The following PCDH19 variants were observed in gnomAD, a reference collection of about 807,000 sequenced individuals.
PCDH19 encodes the protein protocadherin 19, also known as protocadherin-19.
In PCDH19, 6 loss-of-function variants were observed where a neutral mutation model predicts 46.2. The ratio of observed to expected loss-of-function variants is 0.13; its 90% CI spans 0.07 to 0.26. The LOEUF (loss-of-function observed/expected upper bound fraction) is 0.26, where lower values mean the gene tolerates loss of function less well. PCDH19 is among the 10% of genes least tolerant of loss of function. The pLI is 1.00. For synonymous variants in PCDH19, 481 were observed against 415.7 expected, an observed-to-expected ratio of 1.16 and a Z score of -1.91; for missense variants, 740 against 972.3, an observed-to-expected ratio of 0.76 and a Z score of 3.18.
chrX:100,330,509 G>C (rs1265029943), intron 5 of PCDH19, among the ~76,000 whole-genome samples: 1 of 112,385 alleles, frequency 8.9e-6, no homozygotes, highest in Non-Finnish European at 1.9e-5. Context: ...AGAGTATCAA[G>C]TTTCTCCAAA....
At chrX:100,308,668 A>G (rs1925025779) in intron 5 of PCDH19, among the ~76,000 whole-genome samples, 1 of 111,716 alleles carries the variant, frequency 9.0e-6, no homozygotes, top group Admixed American at 9.5e-5. Flanking sequence ...CAAGGAACTC[A>G]GACAAATCAG....
chrX:100,329,274 CA>C (rs1017325148), intron 5 of PCDH19, among the ~76,000 whole-genome samples: 5 of 112,397 alleles, frequency 4.4e-5, no homozygotes, highest in Non-Finnish European at 9.4e-5. Context: ...TTGGCACAAA[CA>C]AAGGTCTGGC....
intron 5 of PCDH19, among the ~76,000 whole-genome samples, chrX:100,317,024 T>C (rs1925330082): frequency 8.9e-6 from 1 of 112,017 alleles, no homozygotes; most frequent in African/African-American, 3.2e-5. Flanking sequence ...TTTGAGGATA[T>C]AATTTTAGAT....
At chrX:100,385,997 CATT>C (rs1215962320) in intron 3 of PCDH19, among the ~76,000 whole-genome samples, 1 of 112,045 alleles carries the variant, frequency 8.9e-6, no homozygotes, top group Non-Finnish European at 1.9e-5. Flanking sequence ...ATGTTTTTCT[CATT>C]AATTCAACAA....
At chrX:100,356,024 T>C (rs1269101899) in intron 3 of PCDH19, among the ~76,000 whole-genome samples, 1 of 108,372 alleles carries the variant, frequency 9.2e-6, no homozygotes, top group Non-Finnish European at 1.9e-5. Context: ...AATGCAGATA[T>C]CCAGGACTAG....
rs781281481 is a variant in PCDH19, at chrX:100,399,630, A to G, written c.2616+2894T>C. Among the ~76,000 whole-genome samples, 3 of 111,284 alleles carry G rather than the reference A, an allele frequency of 2.7e-5. No homozygotes were observed. The East Asian group carries it at 8.4e-4, about 31-fold the overall frequency. On this transcript the variant is annotated intron_variant, in intron 3 of 5. Transcript: ENST00000373034. ...AAGTGTCATTTTCCCTACGCAGGGC[A>G]TTGTGACTGATTCAGGTTAAATGGC... is the stretch of plus-strand genomic sequence containing the variant.
rs1602638349 is a variant in PCDH19 at position 100,408,389 on chromosome X, T to A, written c.209A>T (p.His70Leu). 2 of 1,208,080 alleles carry A rather than the reference T, an allele frequency of 1.7e-6. No homozygotes were observed. The highest frequency in any genetic ancestry group is 3.5e-5 in the African/African-American group (2 of 57,610). ...AFRVVSNSAP[H>L]LVDINPSSGL... ...AGAGCTGGGATTGATGTCCACTAGG[T>A]GTGGAGCCGAGTTGGACACCACGCG... Residue 70 changes from histidine (H) to leucine (L), a missense_variant, in exon 1 of 6, where the codon CAC (histidine) becomes CTC (leucine). His to Leu is a moderately conservative substitution (Grantham distance 99, BLOSUM62 -3). Coordinates refer to ENST00000373034, the MANE Select transcript of PCDH19 (RefSeq NM_001184880.2).
intron 5 of PCDH19, among the ~76,000 whole-genome samples, chrX:100,331,411 T>A (rs971525468): frequency 8.9e-6 from 1 of 112,332 alleles, no homozygotes; most frequent in Non-Finnish European, 1.9e-5. Flanking sequence ...ATCTAAGACC[T>A]AAGCCTAGAT....
At chrX:100,354,722 A>G (rs1038754659) in intron 3 of PCDH19, among the ~76,000 whole-genome samples, 1 of 111,646 alleles carries the variant, frequency 9.0e-6, no homozygotes, top group African/African-American at 3.2e-5. Flanking sequence ...GCTCCTAGTT[A>G]GCCTTATTTA....
chrX:100,317,911 G>C (rs1925360380), intron 5 of PCDH19, among the ~76,000 whole-genome samples: 2 of 112,232 alleles, frequency 1.8e-5, no homozygotes, highest in African/African-American at 6.5e-5. Flanking sequence ...ATACTGCTAA[G>C]TTTTGGGGTG....
chrX:100,354,772 G>T (rs1569300308), intron 3 of PCDH19, among the ~76,000 whole-genome samples: 1 of 110,245 alleles, frequency 9.1e-6, no homozygotes, highest in Non-Finnish European at 1.9e-5. Context: ...CCTTCTCTAA[G>T]TATGCTAAAT....
At position 100,400,480 on chromosome X, in the gene PCDH19, C is replaced by T. The variant is rs1158794838; in HGVS notation, c.2616+2044G>A. Among the ~76,000 whole-genome samples the T allele has an allele frequency of 2.7e-5, 3 of 112,369 alleles. No homozygotes were observed. In the Admixed American group the frequency reaches 2.8e-4, roughly 11 times the overall value. ...AAGCAGTGATTCCTGGATTCAAAAT[C>T]ATGATCAATCTGATTCCACTACACA... On this transcript the variant is annotated intron_variant, in intron 3 of 5. Coordinates refer to ENST00000373034, the MANE Select transcript of PCDH19 (RefSeq NM_001184880.2).
intron 3 of PCDH19, among the ~76,000 whole-genome samples, chrX:100,374,691 G>A (rs937662536): frequency 1.8e-5 from 2 of 112,018 alleles, no homozygotes; most frequent in African/African-American, 6.5e-5. Flanking sequence ...TGTAATCCCA[G>A]CAATTTGGGA....
rs57520956 is a variant in PCDH19 at position 100,322,865 on chromosome X, ATT to A, written c.2848+19036_2848+19037del. 9.9e-4 allele frequency among the ~76,000 whole-genome samples: 54 copies of A among 54,409 alleles called. 1 individual carries two copies. The highest frequency in any genetic ancestry group is 2.5e-3 in the African/African-American group (30 of 11,908). The allele number at this position is 54,409 out of a possible 115,157, so 47.2% of individuals were successfully genotyped here. On this transcript the variant is annotated intron_variant, in intron 5 of 5. Coordinates refer to ENST00000373034, the MANE Select transcript of PCDH19 (RefSeq NM_001184880.2). Reference sequence around the variant, plus strand: ...TATATATATATATATATATATATATATTTTTGCAGCTATTGTAAAAGGGGTTG... The same window carrying A: ...TATATATATATATATATATATATATATTTGCAGCTATTGTAAAAGGGGTTG...
chrX:100,355,467 T>C (rs1204715015), intron 3 of PCDH19, among the ~76,000 whole-genome samples: 1 of 111,666 alleles, frequency 9.0e-6, no homozygotes, highest in East Asian at 2.8e-4. Flanking sequence ...TTTTCAGTGC[T>C]GTTGGTATAT....
At chrX:100,313,857 TCACACACACACACACACACACA>T (rs3222341) in intron 5 of PCDH19, among the ~76,000 whole-genome samples, 2 of 76,293 alleles carry the variant, frequency 2.6e-5, no homozygotes, top group Non-Finnish European at 5.1e-5. Flanking sequence ...CTGCTGTTAA[TCACACACACACACACACACACA>T]CACACACACA....
intron 5 of PCDH19, among the ~76,000 whole-genome samples, chrX:100,302,401 T>C (rs1278665935): frequency 8.9e-6 from 1 of 111,743 alleles, no homozygotes; most frequent in Non-Finnish European, 1.9e-5. Flanking sequence ...CTAAGGTAGA[T>C]CTCACAGCAC....
chrX:100,405,694 G>C (rs1454838915), intron 1 of PCDH19, among the ~76,000 whole-genome samples: 1 of 109,742 alleles, frequency 9.1e-6, no homozygotes, highest in Non-Finnish European at 1.9e-5. Context: ...TCACATTAGA[G>C]GAAAGCATCA....
chrX:100,339,941 G>A (rs924723037), intron 5 of PCDH19, among the ~76,000 whole-genome samples: 1 of 112,008 alleles, frequency 8.9e-6, no homozygotes, highest in Admixed American at 9.5e-5. Context: ...GTGTGTGTGT[G>A]TAAAATCATC....
Sources: gnomAD v4.1 joint callset for allele counts (sites outside exome capture counted in the v4.1 genomes callset) on GRCh38, gnomAD v4.1.1 for gene constraint, MANE v1.5 for transcripts, NCBI Gene and HGNC (gene_info 2026-07-23, HGNC 2026-07-21) for gene names.